Variants in CLSTN3 observed in about 807,000 individuals in gnomAD.
CLSTN3 encodes calsyntenin-3.
A neutral mutation model predicts 95.9 loss-of-function variants in CLSTN3; 36 were observed. The ratio of observed to expected loss-of-function variants is 0.38; its 90% CI spans 0.29 to 0.50. The LOEUF (loss-of-function observed/expected upper bound fraction) is 0.50. Among genes scored for constraint, CLSTN3 ranks in the 20% least tolerant of loss-of-function variants. The pLI is 0.95. For missense variants in CLSTN3, 1,084 were observed against 1,268.8 expected (o/e 0.85, Z 2.21); for synonymous variants, 481 against 504.0 (o/e 0.95, Z 0.61).
Position 7,130,472 on chromosome 12 carries a change from G to T in CLSTN3, c.-177G>T. On this transcript the variant is annotated 5_prime_UTR_variant, in exon 1 of 18. Transcript: ENST00000266546. Reference sequence around the variant, plus strand: ...GTCCACCGCCTCAGCTACCCAGATTGGGATCTGCCCAGGCCCGCTTTATGG... The same window carrying T: ...GTCCACCGCCTCAGCTACCCAGATTTGGATCTGCCCAGGCCCGCTTTATGG... The T allele has an allele frequency of 6.7e-7, 1 of 1,493,442 alleles. No individual in the cohort carries two copies. The highest frequency in any genetic ancestry group is 8.9e-7 in the Non-Finnish European group (1 of 1,122,522). The allele number at this position is 1,493,442 out of a possible 1,614,324, so 92.5% of individuals were successfully genotyped here.
Position 7,141,154 on chromosome 12 carries a change from TGTCTCCCAG to T in CLSTN3, c.1324-86_1324-78del. 1.5e-6 allele frequency: 2 copies of T among 1,374,904 alleles called. No homozygotes were observed. The highest frequency in any genetic ancestry group is 2.0e-6 in the Non-Finnish European group (2 of 999,448). The allele number at this position is 1,374,904 out of a possible 1,614,324, so 85.2% of individuals were successfully genotyped here. A position where few individuals can be genotyped will look rare whatever the true frequency, so the allele number is the denominator to read the frequency against. On this transcript the variant is annotated intron_variant, in intron 8 of 17. Coordinates refer to ENST00000266546, the MANE Select transcript of CLSTN3 (RefSeq NM_014718.4). The surrounding 1 kb of genome is among the most constrained non-coding windows in gnomAD (Gnocchi z 4.1). Reference sequence around the variant, plus strand: ...AACTGGGAATAAAGGGACTGTCCCCTGTCTCCCAGGAGATGGGGCAGTGCCTAGGGTTAG... The same window carrying T: ...AACTGGGAATAAAGGGACTGTCCCCTGAGATGGGGCAGTGCCTAGGGTTAG...
In CLSTN3 at chr12:7,157,473, C is replaced by G; in HGVS notation, c.2528-16C>G. ...TGCCTAGTCACGCTCTGCTCACCCCCGCGCTCTCTCTGCAGTGATACCCAG... is the reference window on the plus strand; with the variant it reads ...TGCCTAGTCACGCTCTGCTCACCCCGGCGCTCTCTCTGCAGTGATACCCAG... On this transcript the variant is annotated splice_polypyrimidine_tract_variant and intron_variant, in intron 16 of 17. Transcript: ENST00000266546. This position sits in a 1 kb window ranked among gnomAD's most constrained non-coding sequence, Gnocchi z 5.9. The G allele has an allele frequency of 1.9e-6, 3 of 1,553,420 alleles. No individual in the cohort carries two copies. Among genetic ancestry groups the G allele is most frequent in the Non-Finnish European group, 2.6e-6 (3 of 1,148,006 alleles).
At chr12:7,139,888 C>T (rs1440461103) in intron 8 of CLSTN3, among the ~76,000 whole-genome samples, 2 of 152,134 alleles carry the variant, frequency 1.3e-5, no homozygotes, top group African/African-American at 4.8e-5. Flanking sequence ...ACGTGATCCA[C>T]CCACCTTGGC....
In CLSTN3 at chr12:7,158,144, T is replaced by G; in HGVS notation, c.*63T>G. 1 of 1,442,632 alleles carries G rather than the reference T, an allele frequency of 6.9e-7. No individual in the cohort carries two copies. Among genetic ancestry groups the G allele is most frequent in the East Asian group, 2.5e-5 (1 of 39,280 alleles). The allele number at this position is 1,442,632 out of a possible 1,614,324, so 89.4% of individuals were successfully genotyped here. ...CCTGGTGAAACAGACACTCCAGACA[T>G]GGGAGAAGGACTTTCTGGGAACACA... On this transcript the variant is annotated 3_prime_UTR_variant, in exon 18 of 18. Transcript: ENST00000266546.
At position 7,137,123 on chromosome 12, in the gene CLSTN3, T is replaced by A; in HGVS notation, c.1210+13T>A. The A allele has an allele frequency of 6.3e-7, 1 of 1,592,454 alleles. No homozygotes were observed. Among genetic ancestry groups the A allele is most frequent in the East Asian group, 2.2e-5 (1 of 44,486 alleles). ...ACTGTCCAGAATGGTGAGCCTCCCC[T>A]CCAGGCACTAGCCAGAGGGGGAAAC... On this transcript the variant is annotated intron_variant, in intron 7 of 17. Coordinates refer to ENST00000266546, the MANE Select transcript of CLSTN3 (RefSeq NM_014718.4). This position sits in a 1 kb window ranked among gnomAD's most constrained non-coding sequence, Gnocchi z 4.4.
At chr12:7,155,216 C>G (rs930781025) in intron 16 of CLSTN3, among the ~76,000 whole-genome samples, 1 of 152,158 alleles carries the variant, frequency 6.6e-6, no homozygotes, top group Non-Finnish European at 1.5e-5. Context: ...AAAAGCTGAA[C>G]GCACTTCTTA....
chr12:7,142,243 T>A (rs1939539498), intron 10 of CLSTN3, 104 bp downstream of exon 10: 5 of 970,012 alleles, frequency 5.2e-6, no homozygotes, highest in Admixed American at 4.7e-5. Flanking sequence ...GACAGCCTCC[T>A]AGGCCACCAG....
intron 16 of CLSTN3, 24 bp downstream of exon 16, chr12:7,151,087 G>T (rs2135814772): frequency 2.0e-6 from 3 of 1,534,990 alleles, no homozygotes; most frequent in East Asian, 2.3e-5. Flanking sequence ...GTGGGGCTGG[G>T]CAGGGAGGGG....
chr12:7,157,369 C>T lies in CLSTN3; in HGVS notation c.2528-120C>T, dbSNP rs77250502. On this transcript the variant is annotated intron_variant, in intron 16 of 17. Coordinates refer to ENST00000266546, the MANE Select transcript of CLSTN3 (RefSeq NM_014718.4). The surrounding 1 kb of genome is among the most constrained non-coding windows in gnomAD (Gnocchi z 5.9). The stretch of plus-strand genomic sequence containing the variant: ...CAGGTGTTCCTCTCTTCTCGGCCAC[C>T]GTGTGTTCTGCCCTGGGAGTCCTTC... 0.093 allele frequency: 75,410 copies of T among 807,626 alleles called. 4,819 individuals are homozygous for T. The highest frequency in any genetic ancestry group is 0.24 in the African/African-American group (13,536 of 57,316). 50.0% of individuals were successfully genotyped at this position (807,626 alleles called of 1,614,324 possible). A position where few individuals can be genotyped will look rare whatever the true frequency, so the allele number is the denominator to read the frequency against.
At position 7,137,795 on chromosome 12, in the gene CLSTN3, T is replaced by TGTGTGTGTGTGAGAGA. The variant is rs768487238; in HGVS notation, c.1211-159_1211-158insTGTGTGTGTGAGAGAG. 2.8e-4 allele frequency among the ~76,000 whole-genome samples: 20 copies of TGTGTGTGTGTGAGAGA among 70,674 alleles called. No homozygotes were observed. Among genetic ancestry groups the TGTGTGTGTGTGAGAGA allele is most frequent in the African/African-American group, 7.7e-4 (15 of 19,456 alleles). 46.4% of individuals were successfully genotyped at this position (70,674 alleles called of 152,430 possible). Reference sequence around the variant, plus strand: ...GTGTGTGTGTGTGTGTGTGTGTGTGTGAGAGAGAGAGAGAGAGAGAGAGAG... The same window carrying TGTGTGTGTGTGAGAGA: ...GTGTGTGTGTGTGTGTGTGTGTGTGTGTGTGTGTGTGAGAGAGAGAGAGAGAGAGAGAGAGAGAGAG... On this transcript the variant is annotated intron_variant, in intron 7 of 17. Transcript: ENST00000266546. This position sits in a 1 kb window ranked among gnomAD's most constrained non-coding sequence, Gnocchi z 4.4.
chr12:7,150,578 G>A lies in CLSTN3; in HGVS notation c.2280G>A (p.Leu760=). 6.2e-7 allele frequency: 1 copy of A among 1,614,076 alleles called. No individual in the cohort carries two copies. Among genetic ancestry groups the A allele is most frequent in the Non-Finnish European group, 8.5e-7 (1 of 1,179,958 alleles). The change falls in exon 15 of 18, where the codon CTG becomes CTA. Residue 760 remains leucine, a synonymous_variant. Transcript: ENST00000266546. The surrounding 1 kb of genome is among the most constrained non-coding windows in gnomAD (Gnocchi z 4.0). ...VESITVYEEI[L]RQARYRLRHG... ...GCATCACTGTGTATGAAGAGATCCT[G>A]AGGCAGGCTCGTTATCGGCTGCGAC...
rs766887965 is a variant in CLSTN3, at chr12:7,150,503, C to T, written c.2246-41C>T. The T allele has an allele frequency of 2.5e-6, 4 of 1,587,490 alleles. No individual in the cohort carries two copies. In the South Asian group the frequency reaches 4.5e-5, roughly 18 times the overall value. On this transcript the variant is annotated intron_variant, in intron 14 of 17. Coordinates refer to ENST00000266546, the MANE Select transcript of CLSTN3 (RefSeq NM_014718.4). The surrounding 1 kb of genome is among the most constrained non-coding windows in gnomAD (Gnocchi z 4.0). ...GAGAGAGGGTCCTGCCCAGGTCCTG[C>T]CTCCACTGGCCCCTGCCCTGAGGTG...
At chr12:7,135,617 C>G in intron 4 of CLSTN3, 82 bp downstream of exon 4, 1 of 1,469,188 alleles carries the variant, frequency 6.8e-7, no homozygotes, top group Non-Finnish European at 9.5e-7. Flanking sequence ...GTTGCATTCT[C>G]CACTTTTGCC....
At chr12:7,136,138 G>A (rs2278823) in intron 5 of CLSTN3, 68 bp from the exon 6 acceptor site, 246,233 of 1,553,858 alleles carry the variant, frequency 0.16, 22,355 homozygotes, top group East Asian at 0.43. Flanking sequence ...ATGGCAAGAG[G>A]AGCATGGAGA....
chr12:7,130,509 C>T lies in CLSTN3; in HGVS notation c.-140C>T. 2 of 1,535,554 alleles carry T rather than the reference C, an allele frequency of 1.3e-6. No homozygotes were observed. The highest frequency in any genetic ancestry group is 1.2e-5 in the South Asian group (1 of 83,516). On this transcript the variant is annotated 5_prime_UTR_variant, in exon 1 of 18. Transcript: ENST00000266546. Reference sequence around the variant, plus strand: ...GGCCCGCTTTATGGACTAGTGTGGGCGGCAGGCTCCTTTCCGTCCCTGCCC... The same window carrying T: ...GGCCCGCTTTATGGACTAGTGTGGGTGGCAGGCTCCTTTCCGTCCCTGCCC...
At chr12:7,144,165 G>A (rs1591618116) in intron 12 of CLSTN3, among the ~76,000 whole-genome samples, 1 of 151,112 alleles carries the variant, frequency 6.6e-6, no homozygotes, top group Admixed American at 6.6e-5. Context: ...CCCAGGAGGC[G>A]GAGGTTTCAG....
At chr12:7,136,684 T>TC in intron 6 of CLSTN3, 145 bp from the exon 7 acceptor site, 1 of 888,572 alleles carries the variant, frequency 1.1e-6, no homozygotes, top group Non-Finnish European at 1.8e-6. Context: ...AGTTCATCCC[T>TC]CTCTTGTCTT....
intron 1 of CLSTN3, chr12:7,132,621 T>G: frequency 2.2e-6 from 1 of 456,288 alleles, no homozygotes; most frequent in South Asian, 3.6e-5. Context: ...CTGCCCTTAA[T>G]CTATCCCTTC....
At chr12:7,138,163 C>A (rs746525430) in intron 8 of CLSTN3, 96 bp downstream of exon 8, 75 of 824,202 alleles carry the variant, frequency 9.1e-5, no homozygotes, top group Non-Finnish European at 1.4e-4. Context: ...TTCTGGGTTC[C>A]CCCTTGCCCT....
Sources: allele counts gnomAD v4.1 joint callset (sites outside exome capture counted in the v4.1 genomes callset), GRCh38; gene constraint gnomAD v4.1.1; non-coding constraint Gnocchi (gnomAD v3.1); transcripts MANE v1.5; gene names NCBI Gene and HGNC (gene_info 2026-07-23, HGNC 2026-07-21).